RANBP17: variants seen among roughly 807,000 people sequenced by gnomAD.
RANBP17 encodes the protein RAN binding protein 17.
Under a neutral mutation model 141.2 loss-of-function variants are expected in RANBP17, and 158 were observed. The observed-to-expected ratio is 1.12, with a 90% CI of 0.98 to 1.28. The LOEUF (loss-of-function observed/expected upper bound fraction) is 1.28. Ranked by LOEUF, RANBP17 falls within the 50% of genes most tolerant of loss-of-function variation. The pLI, the probability that RANBP17 is intolerant of heterozygous loss-of-function variation, is 0.00. For missense variants in RANBP17, 1,438 were observed against 1,290.7 expected, an observed-to-expected ratio of 1.11 and a Z score of -1.75; for synonymous variants, 430 against 450.0, an observed-to-expected ratio of 0.96 and a Z score of 0.56.
At chr5:171,244,444 TTTTA>T (rs781364094) in intron 24 of RANBP17, among the ~76,000 whole-genome samples, 4 of 152,036 alleles carry the variant, frequency 2.6e-5, no homozygotes, top group Non-Finnish European at 4.4e-5. Flanking sequence ...TAGAATTATT[TTTTA>T]TTTATTTATT....
At chr5:170,989,598 T>C (rs184753975) in intron 14 of RANBP17, among the ~76,000 whole-genome samples, 4 of 151,946 alleles carry the variant, frequency 2.6e-5, no homozygotes, top group Non-Finnish European at 4.4e-5. Context: ...AAGAAGATAA[T>C]CATTGGATAT....
chr5:171,249,332 G>T (rs1465374865), intron 24 of RANBP17, among the ~76,000 whole-genome samples: 2 of 152,076 alleles, frequency 1.3e-5, no homozygotes, highest in African/African-American at 2.4e-5. Flanking sequence ...TGTTAAACTG[G>T]ATGTACAGAT....
At chr5:170,958,093 G>A (rs914877521) in intron 13 of RANBP17, among the ~76,000 whole-genome samples, 5 of 152,138 alleles carry the variant, frequency 3.3e-5, no homozygotes, top group Non-Finnish European at 7.4e-5. Context: ...ATTTTCCCTG[G>A]AGGCCACACG....
intron 24 of RANBP17, among the ~76,000 whole-genome samples, chr5:171,264,237 C>G (rs1766522540): frequency 6.6e-6 from 1 of 151,990 alleles, no homozygotes; most frequent in Non-Finnish European, 1.5e-5. Flanking sequence ...ACTCTGGGGA[C>G]TCAGGTAGAA....
chr5:171,296,563 A>C (rs1200629171), intron 27 of RANBP17, among the ~76,000 whole-genome samples: 2 of 152,244 alleles, frequency 1.3e-5, no homozygotes, highest in Non-Finnish European at 2.9e-5. Context: ...CATTCTGTGC[A>C]TATAACAAAA....
intron 12 of RANBP17, among the ~76,000 whole-genome samples, chr5:170,930,555 C>T (rs1446266130): frequency 6.6e-6 from 1 of 151,996 alleles, no homozygotes. Context: ...TGCTATCCCT[C>T]CCCGCTCCCC....
intron 14 of RANBP17, among the ~76,000 whole-genome samples, chr5:171,147,381 GGTTGTTTGTTTTTT>G (rs1758120302): frequency 7.6e-5 from 10 of 130,948 alleles, no homozygotes; most frequent in East Asian, 2.4e-4. Flanking sequence ...GTGTGTGTGT[GGTTGTTTGTTTTTT>G]TGTGTGTTTT....
rs983085095 is a variant in RANBP17, at chr5:171,052,748, A to G, written c.1710+84371A>G. Among the ~76,000 whole-genome samples, 8 of 152,308 alleles carry G rather than the reference A, an allele frequency of 5.3e-5. No individual in the cohort carries two copies. In the East Asian group the frequency reaches 1.5e-3, roughly 29 times the overall value. Reference sequence around the variant, plus strand: ...TTTGAACATCAGATTTTCTGTTTCTACAAAAATGCCATTGAATTTTGATAG... The same window carrying G: ...TTTGAACATCAGATTTTCTGTTTCTGCAAAAATGCCATTGAATTTTGATAG... On this transcript the variant is annotated intron_variant, in intron 14 of 27. Coordinates refer to ENST00000523189, the MANE Select transcript of RANBP17 (RefSeq NM_022897.5).
intron 14 of RANBP17, among the ~76,000 whole-genome samples, chr5:171,037,070 T>C (rs1781929387): frequency 6.6e-6 from 1 of 152,136 alleles, no homozygotes; most frequent in Admixed American, 6.5e-5. Context: ...TGTATAAGCG[T>C]TCCCTTATCT....
chr5:171,221,046 T>C (rs1225279696), intron 21 of RANBP17, among the ~76,000 whole-genome samples: 3 of 152,208 alleles, frequency 2.0e-5, no homozygotes, highest in Admixed American at 2.0e-4. Flanking sequence ...TTGCTAATCC[T>C]TTTTTCAAAA....
At chr5:171,077,257 G>A (rs150215484) in intron 14 of RANBP17, among the ~76,000 whole-genome samples, 1,644 of 151,910 alleles carry the variant, frequency 0.011, 28 homozygotes, top group African/African-American at 0.038. Flanking sequence ...GGAGAATGGC[G>A]TGAACCCGGT....
intron 14 of RANBP17, among the ~76,000 whole-genome samples, chr5:171,097,051 ATTTC>A (rs529365399): frequency 9.1e-4 from 139 of 152,188 alleles, no homozygotes; most frequent in African/African-American, 2.7e-3. Flanking sequence ...AAAAGATTTT[ATTTC>A]TTCTTCAAGG....
At chr5:170,912,000 C>G (rs767013113) in intron 7 of RANBP17, among the ~76,000 whole-genome samples, 1 of 151,866 alleles carries the variant, frequency 6.6e-6, no homozygotes, top group Non-Finnish European at 1.5e-5. Context: ...CTTTTCTCTA[C>G]CTGTGCTACT....
chr5:171,219,639 T>TTGATC (rs2127979461), intron 21 of RANBP17, among the ~76,000 whole-genome samples: 1 of 152,046 alleles, frequency 6.6e-6, no homozygotes, highest in South Asian at 2.1e-4. Flanking sequence ...TTTCATTAAG[T>TTGATC]TGATCTTCAG....
intron 14 of RANBP17, among the ~76,000 whole-genome samples, chr5:171,043,013 T>C (rs1162554367): frequency 6.6e-6 from 1 of 152,150 alleles, no homozygotes; most frequent in Non-Finnish European, 1.5e-5. Flanking sequence ...AAAAGAGATA[T>C]AGCTGATGGT....
chr5:171,069,290 A>C (rs1784498692), intron 14 of RANBP17, among the ~76,000 whole-genome samples: 1 of 152,172 alleles, frequency 6.6e-6, no homozygotes, highest in Non-Finnish European at 1.5e-5. Context: ...TGCACCAGGA[A>C]CTTGGGCCTT....
Position 170,968,259 on chromosome 5 carries a change from C to A in RANBP17, c.1592C>A (p.Ser531Tyr). 1 of 1,583,894 alleles carries A rather than the reference C, an allele frequency of 6.3e-7. No individual in the cohort carries two copies. The highest frequency in any genetic ancestry group is 8.5e-7 in the Non-Finnish European group (1 of 1,170,214). Residue 531 changes from serine (S) to tyrosine (Y), a missense_variant, in exon 14 of 28, where the codon TCT (serine) becomes TAT (tyrosine). By Grantham distance (144) the Ser-to-Tyr change is moderately radical. Transcript: ENST00000523189. The part of the protein sequence containing the change: ...ELSCRVFQLI[S>Y]LMDTGLPRCC... Reference sequence around the variant, plus strand: ...TCATGAAGAGTTTTTCAGCTTATATCTTTAATGGATACCGGATTGCCTCGA... The same window carrying A: ...TCATGAAGAGTTTTTCAGCTTATATATTTAATGGATACCGGATTGCCTCGA...
At chr5:171,259,845 A>G (rs1009979170) in intron 24 of RANBP17, among the ~76,000 whole-genome samples, 1 of 151,178 alleles carries the variant, frequency 6.6e-6, no homozygotes, top group Non-Finnish European at 1.5e-5. Flanking sequence ...ACTGGGTGTG[A>G]TGGCAGGCGC....
At chr5:171,032,439 T>A (rs886610341) in intron 14 of RANBP17, among the ~76,000 whole-genome samples, 2 of 152,160 alleles carry the variant, frequency 1.3e-5, no homozygotes, top group African/African-American at 4.8e-5. Context: ...ATCAATGGTT[T>A]TCTTTTCAAA....
Sources: allele counts gnomAD v4.1 joint callset (sites outside exome capture counted in the v4.1 genomes callset), GRCh38; gene constraint gnomAD v4.1.1; transcripts MANE v1.5; gene names NCBI Gene and HGNC (gene_info 2026-07-23, HGNC 2026-07-21).